Variants in HCN1 observed in about 807,000 individuals in gnomAD.
HCN1 encodes the protein potassium/sodium hyperpolarization-activated cyclic nucleotide-gated channel 1.
HCN1 carries 13 observed loss-of-function variants against 78.9 expected under a neutral mutation model. The ratio of observed to expected loss-of-function variants is 0.16; its 90% CI spans 0.11 to 0.26. The LOEUF (loss-of-function observed/expected upper bound fraction) is 0.26, where lower values mean the gene tolerates loss of function less well. Ranked by LOEUF, HCN1 falls within the 10% of genes least tolerant of loss-of-function variation. The pLI is 1.00. For synonymous variants in HCN1, 552 were observed against 455.5 expected (o/e 1.21, Z -2.70); for missense variants, 810 against 1,154.3 (o/e 0.70, Z 4.32).
chr5:45,448,932 G>A (rs1316004658), intron 3 of HCN1, among the ~76,000 whole-genome samples: 1 of 152,108 alleles, frequency 6.6e-6, no homozygotes, highest in Non-Finnish European at 1.5e-5. Flanking sequence ...TGGCCAACAT[G>A]GGAAAATCCT....
chr5:45,309,827 CT>C (rs1007361595), intron 5 of HCN1, among the ~76,000 whole-genome samples: 1 of 152,010 alleles, frequency 6.6e-6, no homozygotes, highest in African/African-American at 2.4e-5. Context: ...CTGAAGTTTT[CT>C]TTTTTTGTTG....
At chr5:45,381,726 C>A (rs1483890104) in intron 4 of HCN1, among the ~76,000 whole-genome samples, 1 of 152,074 alleles carries the variant, frequency 6.6e-6, no homozygotes, top group Non-Finnish European at 1.5e-5. Context: ...CTTGCTATAT[C>A]CAAGCCATCT....
At chr5:45,452,942 C>T (rs1050547801) in intron 3 of HCN1, among the ~76,000 whole-genome samples, 1 of 152,048 alleles carries the variant, frequency 6.6e-6, no homozygotes, top group African/African-American at 2.4e-5. Context: ...GCATTTATCA[C>T]ATGGCTTTCT....
intron 3 of HCN1, among the ~76,000 whole-genome samples, chr5:45,461,314 A>T (rs1270695819): frequency 1.3e-5 from 2 of 152,074 alleles, no homozygotes; most frequent in African/African-American, 4.8e-5. Context: ...TAACTTTCAG[A>T]GGTAAATTTA....
chr5:45,406,655 T>G (rs1290387683), intron 3 of HCN1, among the ~76,000 whole-genome samples: 2 of 152,214 alleles, frequency 1.3e-5, no homozygotes, highest in African/African-American at 4.8e-5. Context: ...TACTTTTATA[T>G]GAATAAAATT....
chr5:45,582,984 T>A (rs1744115328), intron 2 of HCN1, among the ~76,000 whole-genome samples: 1 of 118,304 alleles, frequency 8.5e-6, no homozygotes, highest in South Asian at 2.4e-4. Context: ...AAATTCTCTT[T>A]TTTTTTTTTG....
chr5:45,619,965 T>G (rs1745024761), intron 2 of HCN1, among the ~76,000 whole-genome samples: 1 of 152,092 alleles, frequency 6.6e-6, no homozygotes, highest in Non-Finnish European at 1.5e-5. Flanking sequence ...AAACATCACC[T>G]TAATCAAGTG....
intron 4 of HCN1, among the ~76,000 whole-genome samples, chr5:45,366,294 T>G (rs1747235564): frequency 6.6e-6 from 1 of 151,760 alleles, no homozygotes; most frequent in East Asian, 1.9e-4. Flanking sequence ...ATTGGGAAGA[T>G]ATATTCACTA....
At chr5:45,640,791 TC>T (rs1745439004) in intron 2 of HCN1, among the ~76,000 whole-genome samples, 1 of 150,314 alleles carries the variant, frequency 6.7e-6, no homozygotes. Context: ...GCCAGGCTGG[TC>T]TCGAACTCCT....
Position 45,658,773 on chromosome 5 carries a change from C to A in HCN1, c.426-13165G>T, listed in dbSNP as rs537264003. Among the ~76,000 whole-genome samples the A allele has an allele frequency of 3.9e-4, 59 of 152,158 alleles. No individual in the cohort carries two copies. In the South Asian group the frequency reaches 0.011, roughly 29 times the overall value. ...GCTTAAAAAACGGCGCACCACGAGA[C>A]TATATCCCACACTTGGCTGAGAGGG... On this transcript the variant is annotated intron_variant, in intron 1 of 7. Coordinates refer to ENST00000303230, the MANE Select transcript of HCN1 (RefSeq NM_021072.4).
chr5:45,598,434 T>G (rs1383126424), intron 2 of HCN1, among the ~76,000 whole-genome samples: 1 of 152,136 alleles, frequency 6.6e-6, no homozygotes, highest in African/African-American at 2.4e-5. Context: ...ATTAAAGACT[T>G]AAATGTTAGA....
chr5:45,597,903 C>G (rs1196274472), intron 2 of HCN1, among the ~76,000 whole-genome samples: 3 of 151,986 alleles, frequency 2.0e-5, no homozygotes, highest in Non-Finnish European at 4.4e-5. Flanking sequence ...CACTGCTCAA[C>G]AAAATAAAAG....
intron 2 of HCN1, among the ~76,000 whole-genome samples, chr5:45,534,120 G>T (rs1299520249): frequency 2.0e-5 from 3 of 152,014 alleles, no homozygotes; most frequent in Non-Finnish European, 2.9e-5. Context: ...GTTGAGCCGG[G>T]TATGGTGGCT....
chr5:45,528,043 A>G (rs1399609604), intron 2 of HCN1, among the ~76,000 whole-genome samples: 2 of 151,958 alleles, frequency 1.3e-5, no homozygotes, highest in Non-Finnish European at 2.9e-5. Context: ...TTATTTACCA[A>G]TAGAAGGAGG....
At chr5:45,394,063 T>C (rs376657120) in intron 4 of HCN1, among the ~76,000 whole-genome samples, 1 of 152,176 alleles carries the variant, frequency 6.6e-6, no homozygotes, top group African/African-American at 2.4e-5. Flanking sequence ...AAAAGGCTAC[T>C]TTCTAACACC....
At chr5:45,585,691 AG>A (rs1286526982) in intron 2 of HCN1, among the ~76,000 whole-genome samples, 5 of 152,132 alleles carry the variant, frequency 3.3e-5, no homozygotes, top group South Asian at 2.1e-4. Context: ...GGTGATGTAC[AG>A]ATGGGGTTTT....
intron 4 of HCN1, among the ~76,000 whole-genome samples, chr5:45,373,597 C>T (rs913687119): frequency 1.8e-4 from 25 of 137,658 alleles, no homozygotes; most frequent in Admixed American, 5.6e-4. Flanking sequence ...ATATTACATA[C>T]GGTATATACG....
intron 5 of HCN1, among the ~76,000 whole-genome samples, chr5:45,316,612 G>T (rs536203808): frequency 1.1e-4 from 17 of 152,290 alleles, no homozygotes; most frequent in African/African-American, 4.1e-4. Flanking sequence ...TACAAAAAGA[G>T]GAAGTCAAAT....
intron 2 of HCN1, among the ~76,000 whole-genome samples, chr5:45,469,042 T>C (rs1741335315): frequency 7.0e-6 from 1 of 143,382 alleles, no homozygotes; most frequent in Non-Finnish European, 1.5e-5. Context: ...AATGTTTTGA[T>C]AGGTGACATT....
Sources: gnomAD v4.1 joint callset for allele counts (sites outside exome capture counted in the v4.1 genomes callset) on GRCh38, gnomAD v4.1.1 for gene constraint, MANE v1.5 for transcripts, NCBI Gene and HGNC (gene_info 2026-07-23, HGNC 2026-07-21) for gene names.